Variants in C12orf50 observed in about 807,000 individuals in gnomAD.
C12orf50 encodes the protein uncharacterized protein C12orf50.
A neutral mutation model predicts 61.6 loss-of-function variants in C12orf50; 35 were observed. That is an observed-to-expected ratio of 0.57 (90% CI 0.43 to 0.75). The LOEUF (loss-of-function observed/expected upper bound fraction) is 0.75, where lower values mean the gene tolerates loss of function less well. C12orf50 is among the 30% of genes least tolerant of loss of function. The pLI is 0.00. For synonymous variants in C12orf50, 178 were observed against 161.5 expected, an observed-to-expected ratio of 1.10 and a Z score of -0.77; for missense variants, 475 against 488.5, an observed-to-expected ratio of 0.97 and a Z score of 0.26.
chr12:88,025,930 A>G (rs2032688064), intron 3 of C12orf50, among the ~76,000 whole-genome samples: 1 of 152,226 alleles, frequency 6.6e-6, no homozygotes, highest in African/African-American at 2.4e-5. Flanking sequence ...TTTAAGGTAC[A>G]TCACATGGTA....
At chr12:87,992,588 T>A (rs1190525603) in intron 7 of C12orf50, among the ~76,000 whole-genome samples, 1 of 152,110 alleles carries the variant, frequency 6.6e-6, no homozygotes, top group Non-Finnish European at 1.5e-5. Context: ...GAGCATTAAG[T>A]AAAAGAATCC....
Position 87,998,243 on chromosome 12 carries a change from T to A in C12orf50, c.134-53A>T, listed in dbSNP as rs2031502584. 2.1e-6 allele frequency: 3 copies of A among 1,425,734 alleles called. No homozygotes were observed. The Admixed American group carries it at 6.2e-5, about 30-fold the overall frequency. 88.3% of individuals were successfully genotyped at this position (1,425,734 alleles called of 1,614,324 possible). On this transcript the variant is annotated intron_variant, in intron 3 of 12. Coordinates refer to ENST00000298699, the MANE Select transcript of C12orf50 (RefSeq NM_152589.3). ...TGTTCAAGATATATGTGATGATAAGTAGATGTAACAATCAATCATTGCCCT... is the reference window on the plus strand; with the variant it reads ...TGTTCAAGATATATGTGATGATAAGAAGATGTAACAATCAATCATTGCCCT...
At chr12:88,029,705 A>C (rs536028782), upstream of C12orf50, among the ~76,000 whole-genome samples, 3 of 152,324 alleles carry the variant, frequency 2.0e-5, no homozygotes, top group Non-Finnish European at 4.4e-5. Flanking sequence ...GGTTTTGGGA[A>C]TAACACTAAA....
At chr12:88,028,626 A>C (rs1421290306) in intron 1 of C12orf50, among the ~76,000 whole-genome samples, 1 of 152,102 alleles carries the variant, frequency 6.6e-6, no homozygotes, top group Non-Finnish European at 1.5e-5. Flanking sequence ...TGGGTTAATA[A>C]ATTTCAAATA....
At chr12:87,987,997 C>T (rs779306086) in intron 8 of C12orf50, 31 bp from the exon 9 acceptor site, 5 of 1,421,696 alleles carry the variant, frequency 3.5e-6, no homozygotes, top group Non-Finnish European at 4.9e-6. Flanking sequence ...AATAAAATGT[C>T]AATATTAGTT....
intron 3 of C12orf50, among the ~76,000 whole-genome samples, chr12:87,998,450 T>G (rs1244177525): frequency 1.3e-5 from 2 of 152,090 alleles, no homozygotes; most frequent in Non-Finnish European, 2.9e-5. Flanking sequence ...AAATTTATAT[T>G]CTGAAAAAGA....
intron 3 of C12orf50, among the ~76,000 whole-genome samples, chr12:88,022,538 C>T (rs117326337): frequency 0.02 from 3,085 of 152,126 alleles, 62 homozygotes; most frequent in Non-Finnish European, 0.027. Flanking sequence ...GAAAAGACAT[C>T]CAAATAGGAA....
In C12orf50 at chr12:88,023,122, G is replaced by T. The variant is rs1475444952; in HGVS notation, c.133+3366C>A. Among the ~76,000 whole-genome samples the T allele has an allele frequency of 2.0e-5, 3 of 152,072 alleles. No homozygotes were observed. The East Asian group carries it at 5.8e-4, about 29-fold the overall frequency. On this transcript the variant is annotated intron_variant, in intron 3 of 12. Transcript: ENST00000298699. ...CTTCAAACTATACTACAGGTCTACG[G>T]TAACCAAAACAGCATGATACTGGCA... is the stretch of plus-strand genomic sequence containing the variant.
chr12:88,024,552 T>C (rs2136501449), intron 3 of C12orf50, among the ~76,000 whole-genome samples: 1 of 152,310 alleles, frequency 6.6e-6, no homozygotes, highest in South Asian at 2.1e-4. Context: ...CCACATGTTC[T>C]AACTTATAAG....
At chr12:88,002,738 T>C (rs1415172546) in intron 3 of C12orf50, among the ~76,000 whole-genome samples, 1 of 151,742 alleles carries the variant, frequency 6.6e-6, no homozygotes, top group Non-Finnish European at 1.5e-5. Context: ...ACTATTTTAC[T>C]TTGTTTTCTA....
chr12:87,987,851 T>C lies in C12orf50; in HGVS notation c.816A>G (p.Ser272=). The change falls in exon 9 of 13, where the codon TCA becomes TCG. Residue 272 remains serine, a splice_region_variant and synonymous_variant. Coordinates refer to ENST00000298699, the MANE Select transcript of C12orf50 (RefSeq NM_152589.3). ...ISMKCREDPS[S]MNDVQPVKKP... is the part of the protein sequence containing the mutation. ...AAAGTGATAGAGCTAATGTCTCACT[T>C]GAAGAGGGGTCCTCTCTGCACTTCA... is the stretch of plus-strand genomic sequence containing the variant. The C allele has an allele frequency of 6.3e-7, 1 of 1,579,340 alleles. No homozygotes were observed. Among genetic ancestry groups the C allele is most frequent in the Non-Finnish European group, 8.7e-7 (1 of 1,150,894 alleles).
chr12:87,986,153 C>A, intron 10 of C12orf50, 100 bp from the exon 11 acceptor site: 2 of 1,355,704 alleles, frequency 1.5e-6, no homozygotes, highest in East Asian at 2.4e-5. Context: ...TAATGGAAGC[C>A]AATAGAAGCC....
Position 87,980,321 on chromosome 12 carries a change from A to T in C12orf50, c.*10T>A, listed in dbSNP as rs1013144633. 6.2e-7 allele frequency: 1 copy of T among 1,607,890 alleles called. No homozygotes were observed. The highest frequency in any genetic ancestry group is 8.5e-7 in the Non-Finnish European group (1 of 1,176,432). On this transcript the variant is annotated 3_prime_UTR_variant, in exon 13 of 13. Transcript: ENST00000298699. The stretch of plus-strand genomic sequence containing the variant: ...TTTTTTCTCATTTTTCTCTCTCTCA[A>T]CCTCCAGGTTTACTTGCTCCCATTT...
intron 3 of C12orf50, among the ~76,000 whole-genome samples, chr12:88,009,492 G>T (rs2032018135): frequency 6.6e-6 from 1 of 151,846 alleles, no homozygotes; most frequent in Non-Finnish European, 1.5e-5. Context: ...CAGTTCTCAA[G>T]CAGAGACAAT....
intron 7 of C12orf50, among the ~76,000 whole-genome samples, chr12:87,992,378 T>C (rs1335046653): frequency 1.3e-5 from 2 of 152,166 alleles, no homozygotes; most frequent in Admixed American, 1.3e-4. Flanking sequence ...CAATTGTGTG[T>C]GTGTTTGTGT....
chr12:87,985,642 C>G (rs1318061336), intron 11 of C12orf50: 14 of 601,914 alleles, frequency 2.3e-5, no homozygotes, highest in Non-Finnish European at 3.8e-5. Context: ...CTGAAGTCAT[C>G]TGCACACAAC....
chr12:88,010,597 A>T (rs2032072307), intron 3 of C12orf50, among the ~76,000 whole-genome samples: 1 of 151,590 alleles, frequency 6.6e-6, no homozygotes, highest in African/African-American at 2.4e-5. Flanking sequence ...TAAAATGTTG[A>T]AAGTTACACC....
intron 3 of C12orf50, among the ~76,000 whole-genome samples, chr12:88,019,786 G>T (rs889719959): frequency 1.3e-5 from 2 of 152,106 alleles, no homozygotes; most frequent in Admixed American, 1.3e-4. Flanking sequence ...AAGACAGCTG[G>T]AGAGAAGGGT....
chr12:88,012,874 C>T (rs1010269108), intron 3 of C12orf50, among the ~76,000 whole-genome samples: 2 of 151,980 alleles, frequency 1.3e-5, no homozygotes, highest in Non-Finnish European at 2.9e-5. Flanking sequence ...GACCGGCCTA[C>T]ATAATATGGT....
Sources: gnomAD v4.1 joint callset for allele counts (sites outside exome capture counted in the v4.1 genomes callset) on GRCh38, gnomAD v4.1.1 for gene constraint, MANE v1.5 for transcripts, NCBI Gene and HGNC (gene_info 2026-07-23, HGNC 2026-07-21) for gene names.